The following FHAD1 variants were observed in gnomAD, a reference collection of about 807,000 sequenced individuals.
The protein encoded by FHAD1 is forkhead-associated domain-containing protein 1.
Under a neutral mutation model 191.3 loss-of-function variants are expected in FHAD1, and 146 were observed. The ratio of observed to expected loss-of-function variants is 0.76; its 90% CI spans 0.67 to 0.88. FHAD1 has a LOEUF of 0.88. Among genes scored for constraint, FHAD1 ranks in the 40% least tolerant of loss-of-function variants. The pLI is 0.00. For synonymous variants in FHAD1, 616 were observed against 672.3 expected, an observed-to-expected ratio of 0.92 and a Z score of 1.29; for missense variants, 1,635 against 1,785.8, an observed-to-expected ratio of 0.92 and a Z score of 1.52.
Position 15,381,177 on chromosome 1 carries a change from C to T in FHAD1, c.3802-54C>T, listed in dbSNP as rs1356390337. The T allele has an allele frequency of 8.2e-6, 10 of 1,221,370 alleles. No homozygotes were observed. The highest frequency in any genetic ancestry group is 4.5e-5 in the African/African-American group (3 of 65,978). 75.7% of individuals were successfully genotyped at this position (1,221,370 alleles called of 1,614,324 possible). Reference sequence around the variant, plus strand: ...GAATTAGACATTGGCCTCCTTAAAGCGGCCACCAGCGGCCGCGGGTAATGC... The same window carrying T: ...GAATTAGACATTGGCCTCCTTAAAGTGGCCACCAGCGGCCGCGGGTAATGC... On this transcript the variant is annotated intron_variant, in intron 29 of 33. Coordinates refer to ENST00000688493, the MANE Select transcript of FHAD1 (RefSeq NM_001391957.1). This position sits in a 1 kb window ranked among gnomAD's most constrained non-coding sequence, Gnocchi z 4.6.
At chr1:15,277,386 G>A (rs1219886324) in intron 3 of FHAD1, among the ~76,000 whole-genome samples, 2 of 152,212 alleles carry the variant, frequency 1.3e-5, no homozygotes, top group African/African-American at 4.8e-5. Context: ...CTGAGCCTCA[G>A]TTTCCAACTT....
At chr1:15,307,268 C>G (rs1031899899) in intron 6 of FHAD1, among the ~76,000 whole-genome samples, 1 of 152,198 alleles carries the variant, frequency 6.6e-6, no homozygotes, top group Non-Finnish European at 1.5e-5. Context: ...ACCTGTACCC[C>G]CATTGTACCT....
At chr1:15,397,020 TAAAA>T (rs5772637) in intron 33 of FHAD1, among the ~76,000 whole-genome samples, 1 of 115,948 alleles carries the variant, frequency 8.6e-6, no homozygotes, top group Admixed American at 9.2e-5. Flanking sequence ...CCGTCTCTAC[TAAAA>T]AAAAAAAAAA....
intron 14 of FHAD1, 50 bp from the exon 15 acceptor site, chr1:15,339,431 C>A: frequency 1.1e-6 from 1 of 912,632 alleles, no homozygotes; most frequent in Non-Finnish European, 1.5e-6. Context: ...TGTCTGCAAG[C>A]TTTGGAGTTG....
chr1:15,236,908 G>A (rs1752027), intron 1 of FHAD1, among the ~76,000 whole-genome samples: 80,378 of 151,950 alleles, frequency 0.53, 21,888 homozygotes, highest in Non-Finnish European at 0.59. Flanking sequence ...AGGTAATTGA[G>A]TCATGAGGGC....
In FHAD1 at chr1:15,380,787, T is replaced by C. The variant is rs184250184; in HGVS notation, c.3792T>C (p.Ser1264=). 1,039 of 1,551,524 alleles carry C rather than the reference T, an allele frequency of 6.7e-4. 5 individuals carry two copies. The African/African-American group carries it at 0.013, about 20-fold the overall frequency. Residue 1264 remains serine, a synonymous_variant, in exon 29 of 34, where the codon AGT becomes AGC. Coordinates refer to ENST00000688493, the MANE Select transcript of FHAD1 (RefSeq NM_001391957.1). ...KMDVAEALEL[S]EKLYLDMSKT... ...ATGTGGCTGAGGCTTTAGAGCTCAG[T>C]GAAAAGCTGGTATGTACATCCAGCA...
chr1:15,363,095 T>C (rs905752453), intron 23 of FHAD1, among the ~76,000 whole-genome samples: 2 of 152,206 alleles, frequency 1.3e-5, no homozygotes. Context: ...ATTCATTTCT[T>C]ACAGTTATGG....
intron 1 of FHAD1, among the ~76,000 whole-genome samples, chr1:15,239,833 G>A (rs1645157333): frequency 6.6e-6 from 1 of 152,154 alleles, no homozygotes; most frequent in African/African-American, 2.4e-5. Context: ...CACTGCTGGG[G>A]GGTGTAGATT....
chr1:15,364,427 T>G (rs1695775484), intron 23 of FHAD1: 1 of 152,158 alleles, frequency 6.6e-6, no homozygotes, highest in African/African-American at 2.4e-5. Context: ...CTGGCCAACA[T>G]GGTGAAACCC....
At chr1:15,277,437 C>G (rs1658803954) in intron 3 of FHAD1, among the ~76,000 whole-genome samples, 1 of 152,204 alleles carries the variant, frequency 6.6e-6, no homozygotes, top group South Asian at 2.1e-4. Flanking sequence ...TCCCTTTCCC[C>G]CTTCAGAATT....
intron 26 of FHAD1, among the ~76,000 whole-genome samples, chr1:15,373,281 G>A (rs1393440865): frequency 9.9e-5 from 15 of 151,136 alleles, no homozygotes; most frequent in Admixed American, 9.9e-4. Context: ...GAGGCCGAGG[G>A]AGGCGGATCA....
chr1:15,269,954 A>G (rs1178195627), intron 2 of FHAD1, among the ~76,000 whole-genome samples: 3 of 130,182 alleles, frequency 2.3e-5, no homozygotes, highest in African/African-American at 8.7e-5. Context: ...CATGTCACCC[A>G]GGCTGGAGTG....
chr1:15,266,553 A>G (rs1653609115), intron 2 of FHAD1, among the ~76,000 whole-genome samples: 1 of 152,132 alleles, frequency 6.6e-6, no homozygotes, highest in African/African-American at 2.4e-5. Flanking sequence ...TTACTATGAT[A>G]CATTTGTTGC....
chr1:15,359,590 G>A (rs1335644735), intron 21 of FHAD1, among the ~76,000 whole-genome samples: 6 of 152,094 alleles, frequency 3.9e-5, no homozygotes, highest in South Asian at 2.1e-4. Context: ...GCTCACACCT[G>A]TAATCTCAGC....
At chr1:15,253,331 T>C (rs1411000976) in intron 2 of FHAD1, among the ~76,000 whole-genome samples, 1 of 152,216 alleles carries the variant, frequency 6.6e-6, no homozygotes, top group Admixed American at 6.5e-5. Context: ...TTAGAATAAG[T>C]CTGTCTATAT....
intron 23 of FHAD1, among the ~76,000 whole-genome samples, chr1:15,365,609 C>CT (rs1487530021): frequency 2.4e-4 from 37 of 151,894 alleles, no homozygotes; most frequent in African/African-American, 9.0e-4. Context: ...AAGCACATGC[C>CT]TGGTGCCTGG....
chr1:15,300,768 A>C (rs543170905), intron 5 of FHAD1, among the ~76,000 whole-genome samples: 3 of 152,168 alleles, frequency 2.0e-5, no homozygotes, highest in African/African-American at 4.8e-5. Context: ...AGTGACAGAG[A>C]GCCTCAAAGT....
intron 32 of FHAD1, among the ~76,000 whole-genome samples, chr1:15,390,407 G>A (rs1204357866): frequency 6.6e-6 from 1 of 151,022 alleles, no homozygotes; most frequent in East Asian, 1.9e-4. Context: ...GGCTTCTTTG[G>A]GAAACTTGGA....
intron 2 of FHAD1, among the ~76,000 whole-genome samples, chr1:15,262,507 G>T (rs1469946374): frequency 6.6e-6 from 1 of 152,162 alleles, no homozygotes; most frequent in East Asian, 1.9e-4. Flanking sequence ...CTGGGCTCAA[G>T]TAATCCTCCT....
Sources: gnomAD v4.1 joint callset for allele counts (sites outside exome capture counted in the v4.1 genomes callset) on GRCh38, gnomAD v4.1.1 for gene constraint, Gnocchi (gnomAD v3.1) non-coding constraint, MANE v1.5 for transcripts, NCBI Gene and HGNC (gene_info 2026-07-23, HGNC 2026-07-21) for gene names.